Variants in CCR3 observed in about 807,000 individuals in gnomAD.
The protein encoded by CCR3 is C-C chemokine receptor type 3.
For synonymous variants in CCR3, 203 were observed against 179.2 expected, an observed-to-expected ratio of 1.13 and a Z score of -1.06; for missense variants, 419 against 437.5, an observed-to-expected ratio of 0.96 and a Z score of 0.38.
chr3:46,213,985 T>C (rs35614049), intron 2 of CCR3, among the ~76,000 whole-genome samples: 10,447 of 152,306 alleles, frequency 0.069, 587 homozygotes, highest in South Asian at 0.27. Context: ...TTGGTCCTAG[T>C]TAGATCCAGC....
intron 1 of CCR3, among the ~76,000 whole-genome samples, chr3:46,246,469 A>G (rs530726174): frequency 1.1e-4 from 17 of 151,404 alleles, no homozygotes; most frequent in South Asian, 2.1e-4. Context: ...GGCGGGCAGG[A>G]GTGGGGGTCG....
At chr3:46,251,315 G>A (rs1429255073) in intron 1 of CCR3, among the ~76,000 whole-genome samples, 3 of 152,066 alleles carry the variant, frequency 2.0e-5, no homozygotes, top group East Asian at 1.9e-4. Context: ...TGGATAAAAG[G>A]TGTCTCCTTT....
intron 1 of CCR3, among the ~76,000 whole-genome samples, chr3:46,247,347 G>A (rs1700217571): frequency 6.6e-6 from 1 of 152,144 alleles, no homozygotes; most frequent in Non-Finnish European, 1.5e-5. Flanking sequence ...ATGAGACTGG[G>A]GGCCTAATGA....
chr3:46,263,950 C>A (rs17217831), intron 1 of CCR3: 10,679 of 155,710 alleles, frequency 0.069, 468 homozygotes, highest in South Asian at 0.19. Context: ...GAGAAATGCC[C>A]ATCGGCCTGT....
intron 2 of CCR3, among the ~76,000 whole-genome samples, chr3:46,223,330 A>T (rs1407317117): frequency 1.3e-5 from 2 of 151,866 alleles, no homozygotes; most frequent in African/African-American, 4.8e-5. Flanking sequence ...ACAGAGCAAG[A>T]CTCTGTCTTG....
chr3:46,214,632 T>C (rs1046275088), intron 2 of CCR3, among the ~76,000 whole-genome samples: 4 of 152,070 alleles, frequency 2.6e-5, no homozygotes, highest in African/African-American at 9.7e-5. Flanking sequence ...TTTTTGCCAA[T>C]TTATAGAAAT....
chr3:46,215,570 A>G (rs1351595596), intron 2 of CCR3, among the ~76,000 whole-genome samples: 4 of 152,228 alleles, frequency 2.6e-5, no homozygotes, highest in African/African-American at 4.8e-5. Flanking sequence ...CTGCATTTTT[A>G]TCAGATCCCC....
upstream of CCR3, among the ~76,000 whole-genome samples, chr3:46,238,767 C>A (rs1256274087): frequency 6.6e-6 from 1 of 152,034 alleles, no homozygotes; most frequent in African/African-American, 2.4e-5. Flanking sequence ...CCTGAGGGAC[C>A]CTACAATCAC....
intron 2 of CCR3, among the ~76,000 whole-genome samples, chr3:46,234,459 C>A (rs1382706551): frequency 6.6e-6 from 1 of 152,020 alleles, no homozygotes; most frequent in Non-Finnish European, 1.5e-5. Flanking sequence ...GACCACATAC[C>A]CTTTCAGAGT....
intron 1 of CCR3, among the ~76,000 whole-genome samples, chr3:46,252,034 C>T (rs557229579): frequency 3.9e-5 from 6 of 152,260 alleles, no homozygotes; most frequent in Admixed American, 2.0e-4. Flanking sequence ...ACAGGGGATG[C>T]AATGGCTTGG....
chr3:46,218,821 A>T (rs555671949), intron 2 of CCR3, among the ~76,000 whole-genome samples: 23 of 152,294 alleles, frequency 1.5e-4, no homozygotes, highest in African/African-American at 5.1e-4. Flanking sequence ...CATAGAAGGG[A>T]CATACCATAA....
upstream of CCR3, among the ~76,000 whole-genome samples, chr3:46,241,899 G>A (rs1305852118): frequency 6.6e-6 from 1 of 152,058 alleles, no homozygotes. Context: ...TTAGGAGGCC[G>A]AGACTCGCAG....
rs777044791 is a variant in CCR3, at chr3:46,266,186, C to G, written c.1028C>G (p.Ser343Cys). ...AAGCTGGAAAGAACCAGCTCTGTCT[C>G]TCCATCCACAGCAGAGCCGGAACTC... ...SEKLERTSSV[S>C]PSTAEPELSI... Residue 343 changes from serine to cysteine, a missense_variant, in exon 2 of 2, where the codon TCT becomes TGT. By Grantham distance (112) the Ser-to-Cys change is moderately radical (BLOSUM62 -1). Transcript: ENST00000395940. 1.2e-6 allele frequency: 2 copies of G among 1,613,718 alleles called. No homozygotes were observed. Among genetic ancestry groups the G allele is most frequent in the African/African-American group, 2.7e-5 (2 of 74,908 alleles).
intron 2 of CCR3, among the ~76,000 whole-genome samples, chr3:46,222,375 T>C (rs1311217057): frequency 6.6e-6 from 1 of 152,166 alleles, no homozygotes; most frequent in African/African-American, 2.4e-5. Context: ...GGCAGCCTGG[T>C]TGCGTTACTT....
upstream of CCR3, among the ~76,000 whole-genome samples, chr3:46,239,217 TG>T (rs1700053408): frequency 6.6e-6 from 1 of 152,216 alleles, no homozygotes; most frequent in South Asian, 2.1e-4. Flanking sequence ...GGTGTAGAAA[TG>T]GAAGTGACTG....
intron 1 of CCR3, among the ~76,000 whole-genome samples, chr3:46,255,247 T>G (rs1490917652): frequency 6.6e-6 from 1 of 152,142 alleles, no homozygotes; most frequent in African/African-American, 2.4e-5. Context: ...GGATTATTTG[T>G]TTTTTTCTTG....
chr3:46,221,898 C>T (rs1699841482), intron 2 of CCR3, among the ~76,000 whole-genome samples: 2 of 152,164 alleles, frequency 1.3e-5, no homozygotes, highest in Non-Finnish European at 2.9e-5. Context: ...GCCGCCACCC[C>T]TCACTTAGCT....
chr3:46,264,422 A>C, intron 1 of CCR3: 1 of 1,533,100 alleles, frequency 6.5e-7, no homozygotes, highest in Non-Finnish European at 8.7e-7. Flanking sequence ...TGGAATAAGA[A>C]TGCTGTTAAG....
intron 1 of CCR3, among the ~76,000 whole-genome samples, chr3:46,246,342 C>G (rs1355069356): frequency 6.6e-6 from 1 of 152,128 alleles, no homozygotes; most frequent in Non-Finnish European, 1.5e-5. Context: ...TTTATTTCAC[C>G]TGGGTGCAGG....
Sources: allele counts gnomAD v4.1 joint callset (sites outside exome capture counted in the v4.1 genomes callset), GRCh38; gene constraint gnomAD v4.1.1; transcripts MANE v1.5; gene names NCBI Gene and HGNC (gene_info 2026-07-23, HGNC 2026-07-21).